XKR6: variants seen among roughly 807,000 people sequenced by gnomAD.
The protein encoded by XKR6 is XK-related protein 6.
XKR6 carries 22 observed loss-of-function variants against 56.7 expected under a neutral mutation model. That is an observed-to-expected ratio of 0.39 (90% CI 0.28 to 0.55). The LOEUF (loss-of-function observed/expected upper bound fraction) is 0.55, where lower values mean the gene tolerates loss of function less well. Among genes scored for constraint, XKR6 ranks in the 20% least tolerant of loss-of-function variants. The pLI, the probability that XKR6 is intolerant of heterozygous loss-of-function variation, is 0.66. For missense variants in XKR6, 852 were observed against 889.0 expected, an observed-to-expected ratio of 0.96 and a Z score of 0.53; for synonymous variants, 524 against 387.8, an observed-to-expected ratio of 1.35 and a Z score of -4.13.
chr8:11,073,000 A>G (rs1800173394), intron 1 of XKR6, among the ~76,000 whole-genome samples: 1 of 151,258 alleles, frequency 6.6e-6, no homozygotes, highest in South Asian at 2.1e-4. Context: ...CAGTGAGCCA[A>G]GATCGCGCCT....
At chr8:11,131,355 G>T (rs1297053147) in intron 1 of XKR6, among the ~76,000 whole-genome samples, 1 of 152,080 alleles carries the variant, frequency 6.6e-6, no homozygotes, top group Non-Finnish European at 1.5e-5. Context: ...GAAATTTACT[G>T]GAAAGATGTA....
intron 1 of XKR6, among the ~76,000 whole-genome samples, chr8:11,127,793 A>T (rs1799889185): frequency 6.6e-6 from 1 of 152,214 alleles, no homozygotes; most frequent in Non-Finnish European, 1.5e-5. Context: ...GGGGATTGGA[A>T]TATGGACACT....
At chr8:11,141,354 A>C (rs899069137) in intron 1 of XKR6, among the ~76,000 whole-genome samples, 5 of 152,150 alleles carry the variant, frequency 3.3e-5, no homozygotes, top group Non-Finnish European at 7.3e-5. Flanking sequence ...TTGGGAACTA[A>C]TTAGGTTTAG....
intron 1 of XKR6, among the ~76,000 whole-genome samples, chr8:11,117,182 T>G (rs1799223499): frequency 6.6e-6 from 1 of 152,260 alleles, no homozygotes; most frequent in Non-Finnish European, 1.5e-5. Flanking sequence ...GAATCTTTTT[T>G]GCAGAAAGGG....
At chr8:11,118,783 A>C (rs2129182660) in intron 1 of XKR6, among the ~76,000 whole-genome samples, 1 of 152,158 alleles carries the variant, frequency 6.6e-6, no homozygotes, top group Non-Finnish European at 1.5e-5. Flanking sequence ...TGATTTTTTG[A>C]AGGGTTTTTT....
intron 1 of XKR6, among the ~76,000 whole-genome samples, chr8:10,987,064 T>C (rs1337554974): frequency 1.3e-5 from 2 of 150,330 alleles, no homozygotes; most frequent in Non-Finnish European, 1.5e-5. Flanking sequence ...CATAAGTTTG[T>C]TTAAGGATTA....
At chr8:10,976,152 G>C (rs1563322764) in intron 1 of XKR6, among the ~76,000 whole-genome samples, 1 of 151,944 alleles carries the variant, frequency 6.6e-6, no homozygotes, top group Non-Finnish European at 1.5e-5. Flanking sequence ...CTCCAGCCTG[G>C]GTGACAGAGC....
rs372579657 is a variant in XKR6 at position 10,898,709 on chromosome 8, A to G, written c.1169T>C (p.Val390Ala). 6.2e-7 allele frequency: 1 copy of G among 1,614,106 alleles called. No individual in the cohort carries two copies. Among genetic ancestry groups the G allele is most frequent in the Non-Finnish European group, 8.5e-7 (1 of 1,180,026 alleles). The change falls in exon 3 of 3, where the codon GTG (valine) becomes GCG (alanine). Residue 390 changes from valine to alanine, a missense_variant. Physicochemically the swap from Val to Ala is moderately conservative, Grantham distance 64. Coordinates refer to ENST00000416569, the MANE Select transcript of XKR6 (RefSeq NM_173683.4). The surrounding 1 kb of genome is among the most constrained non-coding windows in gnomAD (Gnocchi z 6.6). ...GGCCATGGCGCACCAGTGAACCACCACGAAGATCCCAAAATAGAGCTGGAA... is the reference window on the plus strand; with the variant it reads ...GGCCATGGCGCACCAGTGAACCACCGCGAAGATCCCAAAATAGAGCTGGAA... ...SIFQLYFGIFVVVHWCAMAFW... is the reference protein window; with the variant it reads ...SIFQLYFGIFAVVHWCAMAFW...
At chr8:10,975,084 C>T (rs1563322001) in intron 1 of XKR6, among the ~76,000 whole-genome samples, 1 of 152,184 alleles carries the variant, frequency 6.6e-6, no homozygotes, top group African/African-American at 2.4e-5. Context: ...CTAGAGGCCT[C>T]GGTTTCTCTC....
At chr8:11,195,178 A>C (rs1803804977) in intron 1 of XKR6, 1 of 703,110 alleles carries the variant, frequency 1.4e-6, no homozygotes, top group African/African-American at 1.7e-5. Context: ...ATGTGGTTAA[A>C]TCTGCTCCTT....
At chr8:11,190,734 G>A (rs565725557) in intron 1 of XKR6, among the ~76,000 whole-genome samples, 95 of 152,254 alleles carry the variant, frequency 6.2e-4, no homozygotes, top group Non-Finnish European at 1.1e-3. Flanking sequence ...AGACAACAAC[G>A]TCCCAGAGGT....
At chr8:10,929,321 C>A (rs1800991996) in intron 1 of XKR6, among the ~76,000 whole-genome samples, 1 of 152,234 alleles carries the variant, frequency 6.6e-6, no homozygotes, top group Non-Finnish European at 1.5e-5. Context: ...ACTAATTATT[C>A]ATTTTACAGG....
At chr8:11,192,162 ATTT>A (rs995556537) in intron 1 of XKR6, among the ~76,000 whole-genome samples, 2 of 147,324 alleles carry the variant, frequency 1.4e-5, no homozygotes, top group African/African-American at 2.5e-5. Context: ...TACAAAAAAA[ATTT>A]TTTTTTTTTG....
At chr8:11,017,370 T>G (rs1798649626) in intron 1 of XKR6, among the ~76,000 whole-genome samples, 1 of 152,258 alleles carries the variant, frequency 6.6e-6, no homozygotes, top group African/African-American at 2.4e-5. Flanking sequence ...GGTTTTCAGC[T>G]GCTTACGCCG....
intron 1 of XKR6, among the ~76,000 whole-genome samples, chr8:11,155,151 T>C (rs1030275510): frequency 6.6e-6 from 1 of 152,250 alleles, no homozygotes. Context: ...GTGCTCATTT[T>C]ACAAGCTCAT....
chr8:10,919,908 C>T (rs1164884518), intron 2 of XKR6, among the ~76,000 whole-genome samples: 1 of 152,160 alleles, frequency 6.6e-6, no homozygotes, highest in Non-Finnish European at 1.5e-5. Context: ...CAGAAATGTC[C>T]AAATGACTCC....
chr8:11,092,821 G>T, intron 1 of XKR6, among the ~76,000 whole-genome samples: 1 of 152,148 alleles, frequency 6.6e-6, no homozygotes, highest in Middle Eastern at 3.2e-3. Context: ...CGCCATGGAA[G>T]ACTGGAGCAG....
chr8:11,041,793 C>T (rs529375020), intron 1 of XKR6, among the ~76,000 whole-genome samples: 10 of 152,272 alleles, frequency 6.6e-5, no homozygotes, highest in South Asian at 2.1e-4. Context: ...TGGGACCTTA[C>T]GCTACTGGTG....
At chr8:10,988,906 A>G (rs904519960) in intron 1 of XKR6, among the ~76,000 whole-genome samples, 1 of 152,204 alleles carries the variant, frequency 6.6e-6, no homozygotes, top group African/African-American at 2.4e-5. Context: ...TTTCTTGATG[A>G]CCCAAAGTCA....
Sources: allele counts gnomAD v4.1 joint callset (sites outside exome capture counted in the v4.1 genomes callset), GRCh38; gene constraint gnomAD v4.1.1; non-coding constraint Gnocchi (gnomAD v3.1); transcripts MANE v1.5; gene names NCBI Gene and HGNC (gene_info 2026-07-23, HGNC 2026-07-21).